The following DDX59 variants were observed in gnomAD, a reference collection of about 807,000 sequenced individuals.
DDX59 encodes the protein probable ATP-dependent RNA helicase DDX59.
DDX59 carries 30 observed loss-of-function variants against 51.9 expected under a neutral mutation model. The ratio of observed to expected loss-of-function variants is 0.58; its 90% CI spans 0.43 to 0.78. DDX59 has a LOEUF of 0.78. Ranked by LOEUF, DDX59 falls within the 30% of genes least tolerant of loss-of-function variation. The pLI, the probability that DDX59 is intolerant of heterozygous loss-of-function variation, is 0.00. For missense variants in DDX59, 672 were observed against 730.8 expected (o/e 0.92, Z 0.93); for synonymous variants, 255 against 253.3 (o/e 1.01, Z -0.06).
rs1423523679 is a variant in DDX59 at position 200,666,196 on chromosome 1, A to G, written c.545T>C (p.Ile182Thr). Residue 182 changes from isoleucine to threonine, a missense_variant, in exon 2 of 8, where the codon ATT becomes ACT. Coordinates refer to ENST00000331314, the MANE Select transcript of DDX59 (RefSeq NM_001031725.6). ...PFILNLQEDQ[I>T]ENLKQQLGIL... ...TCCCAGCTGCTGTTTAAGATTTTCA[A>G]TCTGGTCTTCCTGAAGGTTCAAAAT... 2 of 1,614,202 alleles carry G rather than the reference A, an allele frequency of 1.2e-6. No individual in the cohort carries two copies. The highest frequency in any genetic ancestry group is 1.7e-5 in the Admixed American group (1 of 60,024).
chr1:200,647,864 C>G (rs1164624925), intron 7 of DDX59, among the ~76,000 whole-genome samples: 1 of 151,182 alleles, frequency 6.6e-6, no homozygotes, highest in African/African-American at 2.4e-5. Context: ...ATCCAAGTTA[C>G]TTGGGAGGCT....
At chr1:200,641,960 G>A (rs1193037942), downstream of DDX59, among the ~76,000 whole-genome samples, 2 of 152,082 alleles carry the variant, frequency 1.3e-5, no homozygotes, top group African/African-American at 2.4e-5. Context: ...CCAAGATAAC[G>A]CTGCTGCACT....
At position 200,659,193 on chromosome 1, in the gene DDX59, A is replaced by G. The variant is rs1662225225; in HGVS notation, c.973-77T>C. 2.7e-6 allele frequency: 3 copies of G among 1,107,128 alleles called. No individual in the cohort carries two copies. In the African/African-American group the frequency reaches 4.6e-5, roughly 17 times the overall value. The allele number at this position is 1,107,128 out of a possible 1,614,324, so 68.6% of individuals were successfully genotyped here. ...TTCATTCATTCCATATTGATTGAGC[A>G]ACTAATATGTACCAGACACTGTGTT... On this transcript the variant is annotated intron_variant, in intron 3 of 7. Coordinates refer to ENST00000331314, the MANE Select transcript of DDX59 (RefSeq NM_001031725.6).
At chr1:200,657,680 T>G (rs985335885) in intron 4 of DDX59, among the ~76,000 whole-genome samples, 1 of 143,312 alleles carries the variant, frequency 7.0e-6, no homozygotes, top group Non-Finnish European at 1.5e-5. Flanking sequence ...ACCTGGGAGG[T>G]GGAGCTTGCA....
At chr1:200,659,177 T>C (rs1662224290) in intron 3 of DDX59, 61 bp from the exon 4 acceptor site, 1 of 1,325,238 alleles carries the variant, frequency 7.5e-7, no homozygotes, top group Non-Finnish European at 1.1e-6. Context: ...ATTCATTCAT[T>C]CCATATTGAT....
At position 200,665,912 on chromosome 1, in the gene DDX59, T is replaced by C. The variant is rs150769040; in HGVS notation, c.804+25A>G. ...CTCACTTGTTTCCAAGAATAATACA[T>C]GTGAACTCTATTATTAACACTTACC... On this transcript the variant is annotated intron_variant, in intron 2 of 7. Transcript: ENST00000331314. The C allele has an allele frequency of 4.5e-3, 6,953 of 1,550,154 alleles. 33 individuals are homozygous for C. The highest frequency in any genetic ancestry group is 5.9e-3 in the South Asian group (476 of 80,290).
intron 5 of DDX59, 37 bp from the exon 6 acceptor site, chr1:200,649,263 AT>A (rs769664474): frequency 6.7e-7 from 1 of 1,490,440 alleles, no homozygotes; most frequent in South Asian, 1.3e-5. Flanking sequence ...AATTATTCAT[AT>A]AAAATAATTT....
chr1:200,655,979 C>T (rs1375196494), intron 4 of DDX59, among the ~76,000 whole-genome samples: 2 of 152,196 alleles, frequency 1.3e-5, no homozygotes, highest in Non-Finnish European at 2.9e-5. Context: ...TACAGGCACG[C>T]GCCACCACGC....
intron 4 of DDX59, among the ~76,000 whole-genome samples, chr1:200,651,561 G>A (rs1661663996): frequency 6.6e-6 from 1 of 152,106 alleles, no homozygotes. Context: ...AAGAACTGTG[G>A]GAAAAAGTTT....
intron 4 of DDX59, among the ~76,000 whole-genome samples, chr1:200,651,313 CAT>C (rs375247969): frequency 3.3e-5 from 5 of 152,000 alleles, no homozygotes; most frequent in African/African-American, 1.2e-4. Flanking sequence ...CCCCTAAATT[CAT>C]ATGTTGAAAT....
At chr1:200,659,500 G>A (rs916304115) in intron 3 of DDX59, among the ~76,000 whole-genome samples, 5 of 151,480 alleles carry the variant, frequency 3.3e-5, no homozygotes, top group Non-Finnish European at 7.4e-5. Flanking sequence ...GGGGAGAATG[G>A]GGCAGGCTGA....
downstream of DDX59, among the ~76,000 whole-genome samples, chr1:200,641,478 C>CTCATGCCTGTAA (rs6143566): frequency 0.98 from 149,223 of 151,746 alleles, 73,408 homozygotes; most frequent in Middle Eastern, 1. Flanking sequence ...GGCGTGGTGG[C>CTCATGCCTGTAA]TCCCAGCACT....
At position 200,666,698 on chromosome 1, in the gene DDX59, C is replaced by G; in HGVS notation, c.43G>C (p.Asp15His). The G allele has an allele frequency of 2.5e-6, 4 of 1,613,492 alleles. No individual in the cohort carries two copies. Among genetic ancestry groups the G allele is most frequent in the Non-Finnish European group, 3.4e-6 (4 of 1,179,444 alleles). Residue 15 changes from aspartate (D) to histidine (H), a missense_variant, in exon 2 of 8, where the codon GAT (aspartate) becomes CAT (histidine). Transcript: ENST00000331314. Reference sequence around the variant, plus strand: ...TTAGCCACACAACTTTTGCCATCATCATTAGCATTCCTCTTGATTTTTAGA... The same window carrying G: ...TTAGCCACACAACTTTTGCCATCATGATTAGCATTCCTCTTGATTTTTAGA... ...RSLKIKRNAN[D>H]DGKSCVAKII...
chr1:200,667,076 C>T (rs971749425), intron 1 of DDX59, among the ~76,000 whole-genome samples: 4 of 150,664 alleles, frequency 2.7e-5, no homozygotes, highest in African/African-American at 9.8e-5. Flanking sequence ...CCACTGCCCT[C>T]CAGCCTGGGT....
In DDX59 at chr1:200,663,908, T is replaced by G; in HGVS notation, c.972+11A>C. 9 of 1,576,778 alleles carry G rather than the reference T, an allele frequency of 5.7e-6. No homozygotes were observed. Among genetic ancestry groups the G allele is most frequent in the Non-Finnish European group, 7.7e-6 (9 of 1,164,708 alleles). On this transcript the variant is annotated intron_variant, in intron 3 of 7. Transcript: ENST00000331314. Reference sequence around the variant, plus strand: ...AACTTTTCAAAGACATTGTATCAAATCAGTGCTTACCTTAACATGTTGTTG... The same window carrying G: ...AACTTTTCAAAGACATTGTATCAAAGCAGTGCTTACCTTAACATGTTGTTG...
chr1:200,655,992 A>G (rs866773631), intron 4 of DDX59, among the ~76,000 whole-genome samples: 19 of 152,066 alleles, frequency 1.2e-4, no homozygotes, highest in Middle Eastern at 3.2e-3. Context: ...CACCACGCCC[A>G]GCTAATTTTG....
rs957777215 is a variant in DDX59 at position 200,654,185 on chromosome 1, G to A, written c.1063-3509C>T. ...TCCCAGCACTTTGGGAGGCCGAGGC[G>A]GGCGGATCACGAGGTCAGGAGATCG... On this transcript the variant is annotated intron_variant, in intron 4 of 7. Coordinates refer to ENST00000331314, the MANE Select transcript of DDX59 (RefSeq NM_001031725.6). Among the ~76,000 whole-genome samples the A allele has an allele frequency of 8.6e-5, 13 of 152,026 alleles. No individual in the cohort carries two copies. The East Asian group carries it at 1.5e-3, about 18-fold the overall frequency.
intron 1 of DDX59, 119 bp from the exon 2 acceptor site, chr1:200,666,870 G>A: frequency 1.0e-6 from 1 of 955,576 alleles, no homozygotes; most frequent in Non-Finnish European, 1.5e-6. Context: ...CACTTTGGGA[G>A]GCCGAGGCAG....
At chr1:200,649,506 G>A (rs370533185) in intron 5 of DDX59, among the ~76,000 whole-genome samples, 9 of 151,434 alleles carry the variant, frequency 5.9e-5, no homozygotes, top group Middle Eastern at 3.2e-3. Context: ...GCAGGCGCCT[G>A]TAACCCCAGC....
Sources: gnomAD v4.1 joint callset for allele counts (sites outside exome capture counted in the v4.1 genomes callset) on GRCh38, gnomAD v4.1.1 for gene constraint, MANE v1.5 for transcripts, NCBI Gene and HGNC (gene_info 2026-07-23, HGNC 2026-07-21) for gene names.